TBC1D5: variants seen among roughly 807,000 people sequenced by gnomAD.
The protein encoded by TBC1D5 is TBC1 domain family, member 5.
In TBC1D5, 75 loss-of-function variants were observed where a neutral mutation model predicts 100.3. That is an observed-to-expected ratio of 0.75 (90% CI 0.62 to 0.91). The LOEUF is 0.91. Ranked by LOEUF, TBC1D5 falls within the 40% of genes least tolerant of loss-of-function variation. The pLI, the probability that TBC1D5 is intolerant of heterozygous loss-of-function variation, is 0.00. For missense variants in TBC1D5, 910 were observed against 942.4 expected (o/e 0.97, Z 0.45); for synonymous variants, 323 against 325.6 (o/e 0.99, Z 0.09).
intron 2 of TBC1D5, among the ~76,000 whole-genome samples, 164 bp from the exon 3 acceptor site, chr3:17,508,769 G>C (rs2095870682): frequency 6.6e-6 from 1 of 152,030 alleles, no homozygotes; most frequent in Admixed American, 6.6e-5. Flanking sequence ...GCAAAGAAGG[G>C]AAAAAGGTAA....
chr3:17,238,792 A>T (rs770517933), intron 16 of TBC1D5, among the ~76,000 whole-genome samples: 1 of 152,176 alleles, frequency 6.6e-6, no homozygotes, highest in Non-Finnish European at 1.5e-5. Flanking sequence ...AAAACCTGCG[A>T]CTGGACTATG....
intron 9 of TBC1D5, among the ~76,000 whole-genome samples, chr3:17,380,045 ATGTGTGTGTGTGTG>A (rs3041142): frequency 1.6e-4 from 18 of 112,492 alleles, no homozygotes; most frequent in South Asian, 5.6e-4. Context: ...GTGACTGTGT[ATGTGTGTGTGTGTG>A]TGTGTGTGTG....
At chr3:17,736,512 G>A (rs923409652) in intron 1 of TBC1D5, among the ~76,000 whole-genome samples, 2 of 152,140 alleles carry the variant, frequency 1.3e-5, no homozygotes, top group Admixed American at 1.3e-4. Flanking sequence ...ATATGCAGTA[G>A]ACAAACATGG....
chr3:17,381,265 C>T (rs1641034632), intron 9 of TBC1D5, among the ~76,000 whole-genome samples: 1 of 151,888 alleles, frequency 6.6e-6, no homozygotes, highest in African/African-American at 2.4e-5. Flanking sequence ...TGTTTTTGTT[C>T]CTTGTCCATA....
At chr3:17,194,577 G>A (rs1162942509) in intron 18 of TBC1D5, among the ~76,000 whole-genome samples, 2 of 152,198 alleles carry the variant, frequency 1.3e-5, no homozygotes, top group African/African-American at 2.4e-5. Flanking sequence ...GACAAAGGCT[G>A]TGTATTAAGT....
chr3:17,707,576 C>G (rs1577678380), intron 1 of TBC1D5, among the ~76,000 whole-genome samples: 1 of 152,084 alleles, frequency 6.6e-6, no homozygotes, highest in Non-Finnish European at 1.5e-5. Flanking sequence ...CTGCTGGGAG[C>G]CACTTATTCC....
chr3:17,356,971 G>A (rs1267580244), intron 13 of TBC1D5, among the ~76,000 whole-genome samples: 1 of 145,622 alleles, frequency 6.9e-6, no homozygotes, highest in Non-Finnish European at 1.5e-5. Context: ...GGGGGTTGTG[G>A]GGAGATAATC....
chr3:17,497,012 C>T (rs1396392100), intron 3 of TBC1D5, among the ~76,000 whole-genome samples: 1 of 151,654 alleles, frequency 6.6e-6, no homozygotes, highest in East Asian at 1.9e-4. Context: ...TATGACAAGC[C>T]TATTCATATA....
chr3:17,698,324 A>G (rs1458169883), intron 1 of TBC1D5, among the ~76,000 whole-genome samples: 1 of 152,144 alleles, frequency 6.6e-6, no homozygotes, highest in East Asian at 1.9e-4. Context: ...TGGTGCTGGG[A>G]AAACTGGCTA....
chr3:17,288,305 G>T (rs1020745080), intron 15 of TBC1D5, among the ~76,000 whole-genome samples: 2 of 152,126 alleles, frequency 1.3e-5, no homozygotes, highest in Non-Finnish European at 2.9e-5. Context: ...GTTGGACCTC[G>T]TTAGTTCATT....
At chr3:17,628,125 T>C (rs2063209320) in intron 1 of TBC1D5, among the ~76,000 whole-genome samples, 1 of 152,126 alleles carries the variant, frequency 6.6e-6, no homozygotes, top group African/African-American at 2.4e-5. Flanking sequence ...TCCCAGCACT[T>C]TGGAAGGCTG....
intron 3 of TBC1D5, among the ~76,000 whole-genome samples, chr3:17,462,018 A>C (rs1009108940): frequency 2.6e-5 from 4 of 152,084 alleles, no homozygotes; most frequent in Non-Finnish European, 5.9e-5. Flanking sequence ...TTTTAACATC[A>C]TTCCTACTTT....
chr3:17,430,602 G>C (rs929739473), intron 3 of TBC1D5, among the ~76,000 whole-genome samples: 1 of 151,910 alleles, frequency 6.6e-6, no homozygotes, highest in African/African-American at 2.4e-5. Flanking sequence ...AAAGATTTCA[G>C]AGTTGGCTAT....
chr3:17,733,181 T>TCC (rs2076701675), intron 1 of TBC1D5, among the ~76,000 whole-genome samples: 1 of 152,152 alleles, frequency 6.6e-6, no homozygotes, highest in African/African-American at 2.4e-5. Flanking sequence ...ACTAGGTGCT[T>TCC]CCCCATTCCT....
chr3:17,407,316 T>C (rs1267344142), intron 4 of TBC1D5, among the ~76,000 whole-genome samples: 2 of 152,132 alleles, frequency 1.3e-5, no homozygotes, highest in Non-Finnish European at 2.9e-5. Flanking sequence ...ATAAAGCAAT[T>C]AGACCTATAT....
In TBC1D5 at chr3:17,298,855, G is replaced by A. The variant is rs2082523809; in HGVS notation, c.1139-6854C>T. 2.0e-5 allele frequency among the ~76,000 whole-genome samples: 3 copies of A among 152,076 alleles called. No homozygotes were observed. In the South Asian group the frequency reaches 6.2e-4, roughly 32 times the overall value. ...GATCAGTAGTTTCCAGGAATTAGAG[G>A]GAGACAGGGGATGAATAGGCAGAAC... On this transcript the variant is annotated intron_variant, in intron 14 of 21. Transcript: ENST00000253692.
chr3:17,595,243 T>C (rs1295687582), intron 2 of TBC1D5, among the ~76,000 whole-genome samples: 1 of 152,194 alleles, frequency 6.6e-6, no homozygotes, highest in Non-Finnish European at 1.5e-5. Flanking sequence ...TTTATATATA[T>C]ATTTATTCCA....
At chr3:17,208,061 G>C (rs1032611355) in intron 18 of TBC1D5, among the ~76,000 whole-genome samples, 5 of 152,194 alleles carry the variant, frequency 3.3e-5, no homozygotes, top group Non-Finnish European at 5.9e-5. Flanking sequence ...TGAGGATATG[G>C]AATATCGCTG....
At chr3:17,387,156 A>G (rs1253271039) in intron 8 of TBC1D5, among the ~76,000 whole-genome samples, 1 of 152,190 alleles carries the variant, frequency 6.6e-6, no homozygotes, top group African/African-American at 2.4e-5. Context: ...AAAAGCTCTG[A>G]AAAAGAAGTA....
Sources: gnomAD v4.1 joint callset for allele counts (sites outside exome capture counted in the v4.1 genomes callset) on GRCh38, gnomAD v4.1.1 for gene constraint, MANE v1.5 for transcripts, NCBI Gene and HGNC (gene_info 2026-07-23, HGNC 2026-07-21) for gene names.